The following MYRFL variants were observed in gnomAD, a reference collection of about 807,000 sequenced individuals.
The protein encoded by MYRFL is myelin regulatory factor like, also known as myelin regulatory factor-like protein.
Under a neutral mutation model 109.4 loss-of-function variants are expected in MYRFL, and 88 were observed. The ratio of observed to expected loss-of-function variants is 0.80; its 90% CI spans 0.68 to 0.96. MYRFL has a LOEUF of 0.96. MYRFL is among the 40% of genes least tolerant of loss of function. MYRFL has a pLI of 0.00. For missense variants in MYRFL, 957 were observed against 954.9 expected (o/e 1.00, Z -0.03); for synonymous variants, 324 against 320.9 (o/e 1.01, Z -0.10).
chr12:69,829,086 G>T (rs759256342), intron 1 of MYRFL, among the ~76,000 whole-genome samples: 8 of 152,028 alleles, frequency 5.3e-5, no homozygotes, highest in Non-Finnish European at 1.2e-4. Flanking sequence ...AAAAGCTCAA[G>T]AAGGAAACTG....
intron 13 of MYRFL, among the ~76,000 whole-genome samples, chr12:69,920,766 A>AGAT (rs1231736305): frequency 6.6e-6 from 1 of 152,208 alleles, no homozygotes; most frequent in Non-Finnish European, 1.5e-5. Flanking sequence ...GATGAGTTTT[A>AGAT]GATAAGGGAT....
At chr12:69,864,749 C>T (rs886434330) in intron 2 of MYRFL, among the ~76,000 whole-genome samples, 4 of 151,944 alleles carry the variant, frequency 2.6e-5, no homozygotes, top group African/African-American at 4.8e-5. Context: ...CTGTGCTAGG[C>T]GCTGCATGGG....
At chr12:69,948,358 C>T (rs1955888560) in intron 19 of MYRFL, among the ~76,000 whole-genome samples, 1 of 152,152 alleles carries the variant, frequency 6.6e-6, no homozygotes, top group African/African-American at 2.4e-5. Flanking sequence ...AACCTTACCC[C>T]ACCAGGTACT....
intron 15 of MYRFL, among the ~76,000 whole-genome samples, chr12:69,928,428 C>T (rs1955166878): frequency 6.6e-6 from 1 of 152,166 alleles, no homozygotes. Context: ...CCAAAGGTGG[C>T]CCTTCCCTGG....
At chr12:69,829,867 C>T (rs1233065906) in intron 1 of MYRFL, among the ~76,000 whole-genome samples, 2 of 152,008 alleles carry the variant, frequency 1.3e-5, no homozygotes, top group South Asian at 2.1e-4. Flanking sequence ...CTCTGAAAGC[C>T]GAATGCAGTG....
At chr12:69,928,285 A>C (rs1152961) in intron 15 of MYRFL, among the ~76,000 whole-genome samples, 139,844 of 152,292 alleles carry the variant, frequency 0.92, 64,278 homozygotes, top group East Asian at 0.99. Context: ...GAAGGTTAAT[A>C]ATTTATTAAC....
At chr12:69,886,201 G>C (rs1002920719) in intron 5 of MYRFL, among the ~76,000 whole-genome samples, 11 of 152,206 alleles carry the variant, frequency 7.2e-5, no homozygotes, top group Non-Finnish European at 1.2e-4. Context: ...CGAGGGTTTA[G>C]AATTGGGTCC....
intron 8 of MYRFL, among the ~76,000 whole-genome samples, chr12:69,894,227 A>AACTCAGGTGATCTGCCTG (rs1244727784): frequency 6.6e-6 from 1 of 151,996 alleles, no homozygotes; most frequent in African/African-American, 2.4e-5. Flanking sequence ...TGAATTCCTG[A>AACTCAGGTGATCTGCCTG]ACTCAGGTGA....
chr12:69,835,504 A>AT (rs1461064255), intron 1 of MYRFL, among the ~76,000 whole-genome samples: 4 of 152,138 alleles, frequency 2.6e-5, no homozygotes, highest in South Asian at 4.1e-4. Context: ...TTGCATAGCT[A>AT]TTTTTTTATT....
At chr12:69,901,857 C>T (rs973813425) in intron 10 of MYRFL, among the ~76,000 whole-genome samples, 1 of 151,938 alleles carries the variant, frequency 6.6e-6, no homozygotes, top group African/African-American at 2.4e-5. Flanking sequence ...CACTACCCTC[C>T]CACCCCATTA....
At chr12:69,850,010 G>A (rs1883788153) in intron 1 of MYRFL, among the ~76,000 whole-genome samples, 1 of 152,148 alleles carries the variant, frequency 6.6e-6, no homozygotes, top group Non-Finnish European at 1.5e-5. Context: ...GGAGGGACCT[G>A]GTGGGAGATG....
rs555984162 is a variant in MYRFL at position 69,939,965 on chromosome 12, A to C, written c.2224+3333A>C. Among the ~76,000 whole-genome samples, 3 of 152,326 alleles carry C rather than the reference A, an allele frequency of 2.0e-5. No homozygotes were observed. The South Asian group carries it at 6.2e-4, about 32-fold the overall frequency. On this transcript the variant is annotated intron_variant, in intron 19 of 24. Transcript: ENST00000552032. ...TCAGCAATGGAAGATGAAATGGATG[A>C]AATGAATGAAATGAAGTGAGAAGGA...
rs1188477197 is a variant in MYRFL, at chr12:69,935,188, C to T, written c.1917-925C>T. Among the ~76,000 whole-genome samples, 3 of 141,370 alleles carry T rather than the reference C, an allele frequency of 2.1e-5. No homozygotes were observed. The East Asian group carries it at 7.7e-4, about 36-fold the overall frequency. 92.7% of individuals were successfully genotyped at this position (141,370 alleles called of 152,430 possible). On this transcript the variant is annotated intron_variant, in intron 16 of 24. Transcript: ENST00000552032. Reference sequence around the variant, plus strand: ...TTGTTCTTTATAAGCACATATGGCACAGTTTTTTTTTGTGTATCCTAATGA... The same window carrying T: ...TTGTTCTTTATAAGCACATATGGCATAGTTTTTTTTTGTGTATCCTAATGA...
chr12:69,950,859 A>G (rs532906303), intron 19 of MYRFL, among the ~76,000 whole-genome samples: 10 of 152,334 alleles, frequency 6.6e-5, no homozygotes, highest in African/African-American at 2.2e-4. Context: ...TAATAATTTC[A>G]ATTAACAATG....
chr12:69,890,650 G>C (rs999902395), intron 6 of MYRFL, among the ~76,000 whole-genome samples: 1 of 152,156 alleles, frequency 6.6e-6, no homozygotes, highest in Non-Finnish European at 1.5e-5. Context: ...CAGGAGAATT[G>C]CTTGGACCCA....
chr12:69,870,293 G>A (rs1209428375), intron 2 of MYRFL, among the ~76,000 whole-genome samples: 1 of 148,292 alleles, frequency 6.7e-6, no homozygotes, highest in African/African-American at 2.5e-5. Flanking sequence ...GGCCAGGCTG[G>A]TCTTAAACTC....
intron 2 of MYRFL, among the ~76,000 whole-genome samples, chr12:69,856,710 G>A (rs1884309597): frequency 6.6e-6 from 1 of 151,944 alleles, no homozygotes; most frequent in Non-Finnish European, 1.5e-5. Context: ...TTGGTGAAGT[G>A]TTAATTCAAA....
At chr12:69,843,024 A>G (rs983624637) in intron 1 of MYRFL, among the ~76,000 whole-genome samples, 1 of 152,244 alleles carries the variant, frequency 6.6e-6, no homozygotes, top group African/African-American at 2.4e-5. Context: ...AATATCTCTA[A>G]GAAAATGTCA....
In MYRFL at chr12:69,926,571, G is replaced by A. The variant is rs1419423935; in HGVS notation, c.1603G>A (p.Asp535Asn). 1.3e-6 allele frequency: 2 copies of A among 1,497,414 alleles called. No individual in the cohort carries two copies. Among genetic ancestry groups the A allele is most frequent in the South Asian group, 2.6e-5 (2 of 76,826 alleles). The allele number at this position is 1,497,414 out of a possible 1,614,324, so 92.8% of individuals were successfully genotyped here. ...ACTCTGTTTGATTTTTCCCTTTTAG[G>A]ACCAGATCTTTATGGAAAATGTAGG... ...TLENFLMVDK[D>N]QIFMENVGAV... The change falls in exon 14 of 25, where the codon GAC becomes AAC. Residue 535 changes from aspartate to asparagine, a missense_variant and splice_region_variant. Asp to Asn is a conservative substitution (Grantham distance 23). Coordinates refer to ENST00000552032, the MANE Select transcript of MYRFL (RefSeq NM_182530.3).
Sources: allele counts gnomAD v4.1 joint callset (sites outside exome capture counted in the v4.1 genomes callset), GRCh38; gene constraint gnomAD v4.1.1; transcripts MANE v1.5; gene names NCBI Gene and HGNC (gene_info 2026-07-23, HGNC 2026-07-21).